Variants in TCF12 observed in about 807,000 individuals in gnomAD.
TCF12 encodes transcription factor 12, also known as DNA-binding protein HTF4.
In TCF12, 45 loss-of-function variants were observed where a neutral mutation model predicts 86.0. The ratio of observed to expected loss-of-function variants is 0.52; its 90% CI spans 0.41 to 0.67. The LOEUF is 0.67. TCF12 is among the 30% of genes least tolerant of loss of function. TCF12 has a pLI of 0.00. For missense variants in TCF12, 881 were observed against 859.9 expected (o/e 1.02, Z -0.31); for synonymous variants, 330 against 299.6 (o/e 1.10, Z -1.05).
intron 5 of TCF12, among the ~76,000 whole-genome samples, chr15:57,098,117 A>G (rs1486558765): frequency 6.6e-6 from 1 of 151,644 alleles, no homozygotes; most frequent in East Asian, 1.9e-4. Context: ...CGCAGGAGAC[A>G]GAGGTTGCAG....
chr15:56,939,967 GTTTTT>G (rs67832685), intron 3 of TCF12, among the ~76,000 whole-genome samples: 2 of 104,752 alleles, frequency 1.9e-5, no homozygotes, highest in African/African-American at 8.7e-5. Flanking sequence ...TTAATAGCGT[GTTTTT>G]TTTTTTTTTT....
chr15:57,124,270 A>T (rs1567469952), intron 5 of TCF12, among the ~76,000 whole-genome samples: 1 of 152,040 alleles, frequency 6.6e-6, no homozygotes, highest in African/African-American at 2.4e-5. Context: ...TTCCATAGAG[A>T]TTTATCATTT....
chr15:57,249,196 T>C (rs1362353962), intron 13 of TCF12, among the ~76,000 whole-genome samples: 3 of 152,190 alleles, frequency 2.0e-5, no homozygotes, highest in African/African-American at 7.2e-5. Flanking sequence ...AGTAAGGTGT[T>C]GGCTAGTTGT....
chr15:57,232,202 G>T, intron 9 of TCF12, 89 bp from the exon 10 acceptor site: 1 of 1,460,352 alleles, frequency 6.8e-7, no homozygotes. Context: ...AAAATATCTG[G>T]AGGGTACCCC....
At chr15:57,161,083 G>A (rs1299634636) in intron 5 of TCF12, among the ~76,000 whole-genome samples, 2 of 152,160 alleles carry the variant, frequency 1.3e-5, no homozygotes, top group Non-Finnish European at 2.9e-5. Flanking sequence ...AGATTCTTCT[G>A]TCCAGTCAAT....
chr15:56,976,029 C>T (rs1479064901), intron 3 of TCF12, among the ~76,000 whole-genome samples: 1 of 151,774 alleles, frequency 6.6e-6, no homozygotes, highest in East Asian at 1.9e-4. Context: ...ATGGATTGAG[C>T]CACACCGTAT....
chr15:57,239,397 G>A (rs4638511), intron 12 of TCF12, among the ~76,000 whole-genome samples: 82 of 150,762 alleles, frequency 5.4e-4, no homozygotes, highest in African/African-American at 1.8e-3. Flanking sequence ...GGTGGTACAC[G>A]CCTATGTAAT....
chr15:57,189,312 A>G (rs748398159), intron 6 of TCF12, among the ~76,000 whole-genome samples: 1 of 152,242 alleles, frequency 6.6e-6, no homozygotes, highest in Non-Finnish European at 1.5e-5. Flanking sequence ...GACAGTCTAC[A>G]GAATGAGGGA....
At chr15:57,241,412 C>A (rs1166488621) in intron 12 of TCF12, among the ~76,000 whole-genome samples, 1 of 152,002 alleles carries the variant, frequency 6.6e-6, no homozygotes, top group African/African-American at 2.4e-5. Context: ...CTTATACTAC[C>A]TCTCTGTTAC....
At chr15:57,105,203 G>T (rs2050060239) in intron 5 of TCF12, among the ~76,000 whole-genome samples, 1 of 151,906 alleles carries the variant, frequency 6.6e-6, no homozygotes, top group South Asian at 2.1e-4. Flanking sequence ...TTCCTAATGT[G>T]TATATGCTGT....
chr15:57,127,094 T>A (rs533007378), intron 5 of TCF12, among the ~76,000 whole-genome samples: 1 of 151,652 alleles, frequency 6.6e-6, no homozygotes, highest in East Asian at 1.9e-4. Flanking sequence ...GAAATTCTCC[T>A]CCCTTAGCCT....
At chr15:57,096,715 A>G (rs1221954618) in intron 5 of TCF12, among the ~76,000 whole-genome samples, 1 of 151,984 alleles carries the variant, frequency 6.6e-6, no homozygotes, top group Non-Finnish European at 1.5e-5. Context: ...GCAACCATCC[A>G]TTTTTTTCCC....
intron 3 of TCF12, among the ~76,000 whole-genome samples, chr15:56,950,228 T>A (rs1396102339): frequency 6.6e-6 from 1 of 152,152 alleles, no homozygotes; most frequent in Non-Finnish European, 1.5e-5. Flanking sequence ...TGTTTTTTTG[T>A]TTGTTTGTTA....
chr15:57,268,654 A>G (rs2060981625), intron 18 of TCF12, among the ~76,000 whole-genome samples: 1 of 152,246 alleles, frequency 6.6e-6, no homozygotes, highest in South Asian at 2.1e-4. Flanking sequence ...AGCTGTGGTC[A>G]GTAATTTATA....
At chr15:57,264,195 C>CTTTTTTTTTTTTATTTTTTTTTT (rs2060730337) in intron 18 of TCF12, among the ~76,000 whole-genome samples, 1 of 50,698 alleles carries the variant, frequency 2.0e-5, no homozygotes, top group Admixed American at 3.8e-4. Context: ...CTTTTGTAAG[C>CTTTTTTTTTTTTATTTTTTTTTT]TTTTTTTTTT....
At chr15:57,230,386 T>C (rs1486702496) in intron 8 of TCF12, among the ~76,000 whole-genome samples, 1 of 152,018 alleles carries the variant, frequency 6.6e-6, no homozygotes, top group African/African-American at 2.4e-5. Context: ...TCAATAGTTA[T>C]GAGAATAGTG....
chr15:56,973,190 C>G (rs1359551800), intron 3 of TCF12, among the ~76,000 whole-genome samples: 1 of 152,106 alleles, frequency 6.6e-6, no homozygotes, highest in Non-Finnish European at 1.5e-5. Context: ...TCCCATCTGT[C>G]AGTCGATCAA....
intron 3 of TCF12, among the ~76,000 whole-genome samples, chr15:57,026,824 T>C (rs1272723736): frequency 2.0e-5 from 3 of 152,164 alleles, no homozygotes; most frequent in Non-Finnish European, 4.4e-5. Context: ...TTGTGGATGC[T>C]GAAGGCCTTT....
intron 3 of TCF12, among the ~76,000 whole-genome samples, chr15:56,998,656 C>A (rs1200959086): frequency 6.6e-6 from 1 of 151,976 alleles, no homozygotes; most frequent in East Asian, 1.9e-4. Context: ...ACCGGGGGTA[C>A]AGAATGTCCG....
Sources: allele counts gnomAD v4.1 joint callset (sites outside exome capture counted in the v4.1 genomes callset), GRCh38; gene constraint gnomAD v4.1.1; transcripts MANE v1.5; gene names NCBI Gene and HGNC (gene_info 2026-07-23, HGNC 2026-07-21).